Variants in SASH1 observed in about 807,000 individuals in gnomAD.
SASH1 encodes the protein SAM and SH3 domain-containing protein 1.
In SASH1, 44 loss-of-function variants were observed where a neutral mutation model predicts 125.2. The observed-to-expected ratio is 0.35, with a 90% confidence interval of 0.28 to 0.45. The LOEUF is 0.45. Among genes scored for constraint, SASH1 ranks in the 20% least tolerant of loss-of-function variants. The probability of loss-of-function intolerance (pLI) is 1.00; values close to 1 mark genes in which losing one functional copy is unlikely to be tolerated. For synonymous variants in SASH1, 639 were observed against 649.1 expected (o/e 0.98, Z 0.24); for missense variants, 1,426 against 1,614.5 (o/e 0.88, Z 2.00).
chr6:148,335,537 G>T (rs1448888904), intron 1 of SASH1, among the ~76,000 whole-genome samples: 1 of 151,884 alleles, frequency 6.6e-6, no homozygotes, highest in African/African-American at 2.4e-5. Context: ...AGATGGTGAG[G>T]GAAGGGAAGG....
intron 1 of SASH1, among the ~76,000 whole-genome samples, chr6:148,316,008 A>C (rs1467631398): frequency 6.6e-6 from 1 of 152,198 alleles, no homozygotes; most frequent in Non-Finnish European, 1.5e-5. Flanking sequence ...TTCCCCTCAC[A>C]GCCTTGAGAT....
the SASH1 span, among the ~76,000 whole-genome samples, chr6:148,247,208 G>T: frequency 3.3e-5 from 5 of 152,146 alleles, no homozygotes; most frequent in African/African-American, 1.2e-4. Flanking sequence ...ACTAGAATGC[G>T]AATTTATTAA....
intron 2 of SASH1, among the ~76,000 whole-genome samples, chr6:148,395,888 C>T (rs777674408): frequency 2.0e-5 from 3 of 152,214 alleles, no homozygotes; most frequent in Admixed American, 6.5e-5. Flanking sequence ...TTATTACTGG[C>T]AGTATCAGCT....
At chr6:148,362,270 T>A (rs1365575192) in intron 1 of SASH1, among the ~76,000 whole-genome samples, 1 of 151,288 alleles carries the variant, frequency 6.6e-6, no homozygotes, top group African/African-American at 2.4e-5. Flanking sequence ...TCGCTCAGGC[T>A]GGAGTGCAGT....
At chr6:148,432,023 T>TGG (rs1776082772) in intron 2 of SASH1, among the ~76,000 whole-genome samples, 2 of 150,514 alleles carry the variant, frequency 1.3e-5, no homozygotes, top group South Asian at 4.2e-4. Flanking sequence ...GTTGCCCAGG[T>TGG]GGAGTGCAGT....
At chr6:148,435,399 G>A (rs1361493447) in intron 2 of SASH1, among the ~76,000 whole-genome samples, 2 of 146,212 alleles carry the variant, frequency 1.4e-5, no homozygotes, top group African/African-American at 5.0e-5. Context: ...AAAAAAAAAG[G>A]ATAGTATATT....
chr6:148,204,973 A>G, the SASH1 span, among the ~76,000 whole-genome samples: 2 of 152,180 alleles, frequency 1.3e-5, no homozygotes, highest in Non-Finnish European at 2.9e-5. Flanking sequence ...GGTGACCCAC[A>G]TCAATGAGCA....
intron 7 of SASH1, among the ~76,000 whole-genome samples, chr6:148,486,419 C>A (rs1235638060): frequency 6.6e-6 from 1 of 152,158 alleles, no homozygotes; most frequent in Non-Finnish European, 1.5e-5. Context: ...CTGCGCCTGG[C>A]CTGCTATAGG....
At chr6:148,509,899 T>C (rs1374635994) in intron 8 of SASH1, among the ~76,000 whole-genome samples, 2 of 152,220 alleles carry the variant, frequency 1.3e-5, no homozygotes, top group East Asian at 3.8e-4. Flanking sequence ...ATTGCAGATG[T>C]GTCAAGGATG....
At chr6:148,299,671 G>GAAAAAAAAGA (rs1779882632) in intron 1 of SASH1, among the ~76,000 whole-genome samples, 1 of 114,978 alleles carries the variant, frequency 8.7e-6, no homozygotes, top group African/African-American at 3.2e-5. Flanking sequence ...CACCTCAAAA[G>GAAAAAAAAGA]AAAAAAAAAA....
chr6:148,430,363 G>C (rs189761968), intron 2 of SASH1, among the ~76,000 whole-genome samples: 1 of 152,180 alleles, frequency 6.6e-6, no homozygotes. Context: ...TCAGAGTCTC[G>C]CTCTGTCACC....
In SASH1 at chr6:148,496,230, C is replaced by G. The variant is rs538803240; in HGVS notation, c.729+8515C>G. Among the ~76,000 whole-genome samples the G allele has an allele frequency of 1.9e-4, 29 of 151,872 alleles. No individual in the cohort carries two copies. In the South Asian group the frequency reaches 5.2e-3, roughly 27 times the overall value. On this transcript the variant is annotated intron_variant, in intron 8 of 19. Transcript: ENST00000367467. ...TTTTAATGGTGTTTACTTTTTTTTC[C>G]ACTGCATCTCTTTTCCTAAGGGATC... is the stretch of plus-strand genomic sequence containing the variant.
chr6:148,271,783 T>G (rs1045148459), upstream of SASH1, among the ~76,000 whole-genome samples: 3 of 152,200 alleles, frequency 2.0e-5, no homozygotes, highest in South Asian at 2.1e-4. Flanking sequence ...CCGTGTTAAA[T>G]GGATTTCTGG....
chr6:148,530,365 C>CTTAT (rs1781439875), intron 12 of SASH1, among the ~76,000 whole-genome samples: 2 of 151,886 alleles, frequency 1.3e-5, no homozygotes, highest in African/African-American at 4.8e-5. Flanking sequence ...AAAAAAGTTA[C>CTTAT]TTATTTTATG....
the SASH1 span, among the ~76,000 whole-genome samples, chr6:148,257,183 C>T: frequency 0.019 from 2,826 of 152,202 alleles, 78 homozygotes; most frequent in African/African-American, 0.065. Context: ...AGGGCCAGGA[C>T]TAGTCTTTAC....
chr6:148,292,313 CCTGCCATCCACA>C (rs1274751970), intron 1 of SASH1, among the ~76,000 whole-genome samples: 1 of 152,126 alleles, frequency 6.6e-6, no homozygotes, highest in Non-Finnish European at 1.5e-5. Flanking sequence ...TCTGAGCTTG[CCTGCCATCCACA>C]TGGGCAGAAG....
chr6:148,317,928 T>A (rs1262685555), intron 1 of SASH1, among the ~76,000 whole-genome samples: 1 of 152,218 alleles, frequency 6.6e-6, no homozygotes, highest in African/African-American at 2.4e-5. Flanking sequence ...AGGTTGTGTT[T>A]TCTGAAACTG....
chr6:148,219,157 C>G, the SASH1 span, among the ~76,000 whole-genome samples: 5 of 152,148 alleles, frequency 3.3e-5, no homozygotes, highest in Non-Finnish European at 7.4e-5. Flanking sequence ...AACAGCCTGG[C>G]CACATTTTAT....
In SASH1 at chr6:148,364,226, A is replaced by G. The variant is rs570467328; in HGVS notation, c.156+21003A>G. Among the ~76,000 whole-genome samples the G allele has an allele frequency of 2.0e-3, 300 of 152,248 alleles. 1 individual carries two copies. The highest frequency in any genetic ancestry group is 7.3e-3 in the South Asian group (35 of 4,818). ...TATTACACAGCCCAGCAGACATCCT[A>G]TTAAGAAACTTCTTATTAGCAGAGG... On this transcript the variant is annotated intron_variant, in intron 1 of 19. Transcript: ENST00000367467.
Sources: gnomAD v4.1 joint callset for allele counts (sites outside exome capture counted in the v4.1 genomes callset) on GRCh38, gnomAD v4.1.1 for gene constraint, MANE v1.5 for transcripts, NCBI Gene and HGNC (gene_info 2026-07-23, HGNC 2026-07-21) for gene names.